Variants in MCC observed in about 807,000 individuals in gnomAD.
The protein encoded by MCC is colorectal mutant cancer protein.
A neutral mutation model predicts 116.2 loss-of-function variants in MCC; 90 were observed. The observed-to-expected ratio is 0.77, with a 90% confidence interval of 0.65 to 0.92. The LOEUF is 0.92. MCC is among the 40% of genes least tolerant of loss of function. MCC has a pLI of 0.00. For synonymous variants in MCC, 578 were observed against 510.5 expected (o/e 1.13, Z -1.78); for missense variants, 1,516 against 1,312.2 (o/e 1.16, Z -2.40).
chr5:113,100,464 C>CTT (rs10649958), intron 8 of MCC, among the ~76,000 whole-genome samples: 16,434 of 78,362 alleles, frequency 0.21, 542 homozygotes, highest in Non-Finnish European at 0.27. Flanking sequence ...GTATTTTTCC[C>CTT]TTTTTTTTTT....
intron 1 of MCC, among the ~76,000 whole-genome samples, chr5:113,395,674 C>T: frequency 6.6e-6 from 1 of 152,174 alleles, no homozygotes; most frequent in East Asian, 1.9e-4. Context: ...GCACGCTTAA[C>T]CTTGGCAAAA....
intron 11 of MCC, among the ~76,000 whole-genome samples, chr5:113,074,914 C>A (rs1754312348): frequency 6.6e-6 from 1 of 152,248 alleles, no homozygotes; most frequent in Admixed American, 6.5e-5. Context: ...GCAGCCCTTG[C>A]TTGCTCTTGG....
intron 3 of MCC, among the ~76,000 whole-genome samples, chr5:113,268,856 C>G (rs1311866486): frequency 6.6e-6 from 1 of 152,110 alleles, no homozygotes; most frequent in Non-Finnish European, 1.5e-5. Flanking sequence ...AACACACCAC[C>G]TTGGAGGAGC....
intron 5 of MCC, among the ~76,000 whole-genome samples, chr5:113,127,584 C>A (rs1561379688): frequency 6.6e-6 from 1 of 152,082 alleles, no homozygotes; most frequent in African/African-American, 2.4e-5. Context: ...GTTTTGATTT[C>A]CATTTCTCTA....
intron 9 of MCC, 105 bp downstream of exon 9, chr5:113,085,059 T>G: frequency 6.7e-7 from 1 of 1,494,022 alleles, no homozygotes; most frequent in Non-Finnish European, 9.3e-7. Context: ...AAGCCCCTTG[T>G]GCTGTCTCAG....
intron 3 of MCC, among the ~76,000 whole-genome samples, chr5:113,166,718 AAAAACAACC>A (rs1760790506): frequency 6.7e-6 from 1 of 148,576 alleles, no homozygotes; most frequent in South Asian, 2.2e-4. Flanking sequence ...AAAAAAAAAA[AAAAACAACC>A]AAAAAACCAA....
chr5:113,085,123 G>A lies in MCC; in HGVS notation c.1545+41C>T, dbSNP rs1024227439. The A allele has an allele frequency of 2.5e-6, 4 of 1,613,116 alleles. No individual in the cohort carries two copies. In the African/African-American group the frequency reaches 4.0e-5, roughly 16 times the overall value. On this transcript the variant is annotated intron_variant, in intron 9 of 18. Coordinates refer to ENST00000408903, the MANE Select transcript of MCC (RefSeq NM_001085377.2). Reference sequence around the variant, plus strand: ...ATGAGCCTGGTGCTTCCAGATAACAGGAGGTGTTCCCGCTCATCGGGTCCA... The same window carrying A: ...ATGAGCCTGGTGCTTCCAGATAACAAGAGGTGTTCCCGCTCATCGGGTCCA...
intron 3 of MCC, among the ~76,000 whole-genome samples, chr5:113,201,747 A>G (rs1332309237): frequency 6.6e-6 from 1 of 152,216 alleles, no homozygotes. Flanking sequence ...GTAAAGGTTC[A>G]TTAATGCCCA....
rs984788434 is a variant in MCC, at chr5:113,332,316, C to G, written c.627+8203G>C. ...ACCTCAGCCGCCCAAGCAGTTGGAA[C>G]TAGAGGTGTGTGCCACCATCCCTGG... On this transcript the variant is annotated intron_variant, in intron 3 of 18. Transcript: ENST00000408903. 2.6e-5 allele frequency among the ~76,000 whole-genome samples: 4 copies of G among 151,446 alleles called. 1 individual carries two copies. Among genetic ancestry groups the G allele is most frequent in the African/African-American group, 9.8e-5 (4 of 40,824 alleles).
intron 6 of MCC, among the ~76,000 whole-genome samples, chr5:113,114,613 C>G (rs1757289725): frequency 6.6e-6 from 1 of 152,134 alleles, no homozygotes; most frequent in South Asian, 2.1e-4. Flanking sequence ...AAACTCTGAC[C>G]CCACTGGCAG....
intron 1 of MCC, among the ~76,000 whole-genome samples, chr5:113,467,744 G>C (rs1771956715): frequency 6.6e-6 from 1 of 152,156 alleles, no homozygotes; most frequent in Non-Finnish European, 1.5e-5. Context: ...GCTTGATGGG[G>C]ATGGCACTGA....
At chr5:113,112,502 G>A (rs1757157267) in intron 6 of MCC, among the ~76,000 whole-genome samples, 1 of 152,134 alleles carries the variant, frequency 6.6e-6, no homozygotes, top group Non-Finnish European at 1.5e-5. Context: ...GTTTCCTGAG[G>A]CCTCCCCAGT....
chr5:113,257,930 G>T (rs1765081361), intron 3 of MCC, among the ~76,000 whole-genome samples: 1 of 152,304 alleles, frequency 6.6e-6, no homozygotes, highest in South Asian at 2.1e-4. Context: ...ATAGATGGTA[G>T]CAGTGCAGAA....
chr5:113,378,738 CAT>C (rs1198111159), intron 2 of MCC, among the ~76,000 whole-genome samples: 2 of 152,148 alleles, frequency 1.3e-5, no homozygotes, highest in Non-Finnish European at 2.9e-5. Context: ...ACATAATTCA[CAT>C]GTTTGACACA....
intron 3 of MCC, among the ~76,000 whole-genome samples, chr5:113,328,267 A>G (rs1005679525): frequency 5.9e-5 from 9 of 152,212 alleles, no homozygotes; most frequent in Non-Finnish European, 1.0e-4. Context: ...CATGTACTAA[A>G]CACTTAGCAA....
At chr5:113,037,077 C>T (rs930525670) in intron 17 of MCC, among the ~76,000 whole-genome samples, 1 of 152,236 alleles carries the variant, frequency 6.6e-6, no homozygotes, top group African/African-American at 2.4e-5. Flanking sequence ...TGGTCCTCCT[C>T]ATGAACCAGT....
intron 17 of MCC, among the ~76,000 whole-genome samples, chr5:113,034,746 G>A (rs1034960811): frequency 6.6e-6 from 1 of 152,162 alleles, no homozygotes; most frequent in Admixed American, 6.5e-5. Flanking sequence ...GTGGATCACT[G>A]AGCTCACCAG....
At chr5:113,487,483 G>A (rs1772565780) in intron 1 of MCC, among the ~76,000 whole-genome samples, 1 of 152,262 alleles carries the variant, frequency 6.6e-6, no homozygotes, top group South Asian at 2.1e-4. Flanking sequence ...CCGGGAGGCA[G>A]GAAGCTTAAA....
chr5:113,156,523 A>G (rs1384191674), intron 3 of MCC, among the ~76,000 whole-genome samples: 2 of 152,232 alleles, frequency 1.3e-5, no homozygotes, highest in East Asian at 3.8e-4. Context: ...ATCACCTGGT[A>G]GATAGCACAG....
Sources: gnomAD v4.1 joint callset for allele counts (sites outside exome capture counted in the v4.1 genomes callset) on GRCh38, gnomAD v4.1.1 for gene constraint, MANE v1.5 for transcripts, NCBI Gene and HGNC (gene_info 2026-07-23, HGNC 2026-07-21) for gene names.